Variants in OSGIN2 observed in about 807,000 individuals in gnomAD.
OSGIN2 encodes oxidative stress induced growth inhibitor family member 2, also known as oxidative stress-induced growth inhibitor 2.
Under a neutral mutation model 53.8 loss-of-function variants are expected in OSGIN2, and 19 were observed. The ratio of observed to expected loss-of-function variants is 0.35; its 90% CI spans 0.25 to 0.52. The LOEUF (loss-of-function observed/expected upper bound fraction) is 0.52. Ranked by LOEUF, OSGIN2 falls within the 20% of genes least tolerant of loss-of-function variation. The pLI, the probability that OSGIN2 is intolerant of heterozygous loss-of-function variation, is 0.95. For missense variants in OSGIN2, 520 were observed against 662.7 expected, an observed-to-expected ratio of 0.78 and a Z score of 2.36; for synonymous variants, 236 against 236.0, an observed-to-expected ratio of 1.00 and a Z score of 0.00.
chr8:89,905,632 A>C (rs1222018950), intron 1 of OSGIN2, among the ~76,000 whole-genome samples: 1 of 152,230 alleles, frequency 6.6e-6, no homozygotes, highest in Non-Finnish European at 1.5e-5. Context: ...GTGTTAAACC[A>C]CTATCAAATA....
Position 89,925,294 on chromosome 8 carries a change from G to A in OSGIN2, c.1412G>A (p.Cys471Tyr). 1.2e-6 allele frequency: 2 copies of A among 1,614,112 alleles called. No individual in the cohort carries two copies. The highest frequency in any genetic ancestry group is 8.5e-7 in the Non-Finnish European group (1 of 1,179,968). The change falls in exon 6 of 6, where the codon TGT becomes TAT. Residue 471 changes from cysteine (C) to tyrosine (Y), a missense_variant. Physicochemically the swap from Cys to Tyr is radical, Grantham distance 194. Around this residue, in one of 3 missense-constraint regions of OSGIN2, gnomAD observed 239 missense variants for 328.3 expected, o/e 0.73. Transcript: ENST00000451899. ...PNLSFLKDQG[C>Y]YLGHKSSQPI... is the part of the protein sequence containing the mutation. Reference sequence around the variant, plus strand: ...CTGTCTTTTCTGAAGGATCAAGGGTGTTACCTAGGCCATAAGTCAAGCCAG... The same window carrying A: ...CTGTCTTTTCTGAAGGATCAAGGGTATTACCTAGGCCATAAGTCAAGCCAG...
At chr8:89,902,294 C>A (rs1228588550), upstream of OSGIN2, among the ~76,000 whole-genome samples, 5 of 152,192 alleles carry the variant, frequency 3.3e-5, no homozygotes, top group Non-Finnish European at 5.9e-5. Context: ...ACCGGCCTCA[C>A]CAAGTCGCAC....
chr8:89,924,166 A>G (rs944436229), intron 5 of OSGIN2, among the ~76,000 whole-genome samples: 4 of 152,162 alleles, frequency 2.6e-5, no homozygotes, highest in African/African-American at 9.6e-5. Flanking sequence ...TGTGAGATAA[A>G]GTAGTCCAAT....
intron 5 of OSGIN2, 118 bp downstream of exon 5, chr8:89,921,289 T>C (rs961225712): frequency 9.7e-6 from 6 of 616,334 alleles, no homozygotes; most frequent in African/African-American, 7.4e-5. Flanking sequence ...GTCTTTCAAA[T>C]AAAAATGTGT....
rs1281405146 is a variant in OSGIN2, at chr8:89,927,333, T to G, written c.*1801T>G. 6.6e-6 allele frequency: 1 copy of G among 151,916 alleles called. No homozygotes were observed. The highest frequency in any genetic ancestry group is 2.4e-5 in the African/African-American group (1 of 41,380). The allele number at this position is 151,916 out of a possible 1,614,324, so 9.4% of individuals were successfully genotyped here. A position where few individuals can be genotyped will look rare whatever the true frequency, so the allele number is the denominator to read the frequency against. On this transcript the variant is annotated 3_prime_UTR_variant, in exon 6 of 6. Coordinates refer to ENST00000451899, the MANE Select transcript of OSGIN2 (RefSeq NM_001126111.3). ...GACTTCAAGAAAAATAAAAGTTCAG[T>G]GGAGCTGCAAATAAATCTGGTGAAT...
Position 89,909,654 on chromosome 8 carries a change from G to A in OSGIN2, c.132G>A (p.Ala44=), listed in dbSNP as rs770132443. The change falls in exon 2 of 6, where the codon GCG becomes GCA. Residue 44 remains alanine (A), a synonymous_variant. Transcript: ENST00000451899. ...FGDNLGRKVK[A]MPLVEETSLL... ...ACAACTTGGGGCGAAAAGTTAAAGC[G>A]ATGCCATTAGTTGAAGAAACTTCTT... The A allele has an allele frequency of 2.0e-5, 33 of 1,610,658 alleles. No individual in the cohort carries two copies. Among genetic ancestry groups the A allele is most frequent in the Admixed American group, 5.0e-5 (3 of 59,924 alleles).
At chr8:89,913,969 A>G (rs1809023217) in intron 2 of OSGIN2, 108 bp from the exon 3 acceptor site, 1 of 879,532 alleles carries the variant, frequency 1.1e-6, no homozygotes, top group African/African-American at 1.7e-5. Context: ...AGATTAGAAA[A>G]GGAAGAACTG....
In OSGIN2 at chr8:89,926,611, A is replaced by G. The variant is rs79618434; in HGVS notation, c.*1079A>G. ...TCGAGATGACATAGCAGCTCATATC[A>G]TGGTTGTTTATTGGATTTATCTGTT... On this transcript the variant is annotated 3_prime_UTR_variant, in exon 6 of 6. Transcript: ENST00000451899. The G allele has an allele frequency of 5.7e-3, 870 of 152,522 alleles. 7 individuals carry two copies. Among genetic ancestry groups the G allele is most frequent in the African/African-American group, 0.02 (821 of 41,558 alleles). The allele number at this position is 152,522 out of a possible 1,614,324, so 9.4% of individuals were successfully genotyped here. A position where few individuals can be genotyped will look rare whatever the true frequency, so the allele number is the denominator to read the frequency against.
At chr8:89,908,661 A>T (rs1415930011) in intron 1 of OSGIN2, among the ~76,000 whole-genome samples, 1 of 152,192 alleles carries the variant, frequency 6.6e-6, no homozygotes, top group African/African-American at 2.4e-5. Flanking sequence ...TTCTAAAGTA[A>T]TCTGTTGTAT....
At chr8:89,921,219 G>T (rs1809194235) in intron 5 of OSGIN2, 48 bp downstream of exon 5, 1 of 1,100,656 alleles carries the variant, frequency 9.1e-7, no homozygotes. Context: ...TTGAAAAAGA[G>T]AATGTGGAAA....
chr8:89,919,666 G>A (rs1328301397), intron 4 of OSGIN2, among the ~76,000 whole-genome samples: 3 of 152,140 alleles, frequency 2.0e-5, no homozygotes, highest in Admixed American at 6.5e-5. Context: ...TTGGAACAAC[G>A]CAGGCCTGCT....
Position 89,921,142 on chromosome 8 carries a change from A to G in OSGIN2, c.591A>G (p.Lys197=), listed in dbSNP as rs763202892. 6.2e-7 allele frequency: 1 copy of G among 1,602,862 alleles called. No homozygotes were observed. Among genetic ancestry groups the G allele is most frequent in the South Asian group, 1.1e-5 (1 of 89,908 alleles). The stretch of plus-strand genomic sequence containing the variant: ...GTTGGATGGAACTACCTGGACTTAA[A>G]TTTAAGGACTGGGTATCAAGTAAAC... The part of the protein sequence containing the change: ...FGSWMELPGL[K]FKDWVSSKRR... The change falls in exon 5 of 6, where the codon AAA becomes AAG. Residue 197 remains lysine, a synonymous_variant. Coordinates refer to ENST00000451899, the MANE Select transcript of OSGIN2 (RefSeq NM_001126111.3).
chr8:89,907,507 T>C (rs150217226), intron 1 of OSGIN2, among the ~76,000 whole-genome samples: 101 of 152,326 alleles, frequency 6.6e-4, no homozygotes, highest in Non-Finnish European at 1.2e-3. Flanking sequence ...CAGCACTATT[T>C]ATTGAATAGG....
intron 3 of OSGIN2, 124 bp downstream of exon 3, chr8:89,914,337 T>G: frequency 2.8e-6 from 2 of 719,782 alleles, no homozygotes. Flanking sequence ...CATTTTTATT[T>G]TAGATTCGTA....
chr8:89,915,004 C>T lies in OSGIN2; in HGVS notation c.528+258C>T, dbSNP rs191144534. On this transcript the variant is annotated intron_variant, in intron 4 of 5. Transcript: ENST00000451899. ...TACAAGAATTATGTAGAAAACATTT[C>T]AAGAATGTTTTGTATAATAAAAATT... Among the ~76,000 whole-genome samples, 511 of 152,232 alleles carry T rather than the reference C, an allele frequency of 3.4e-3. 4 individuals carry two copies. The highest frequency in any genetic ancestry group is 0.011 in the African/African-American group (471 of 41,556).
At chr8:89,907,158 A>G (rs1363033200) in intron 1 of OSGIN2, among the ~76,000 whole-genome samples, 1 of 152,138 alleles carries the variant, frequency 6.6e-6, no homozygotes, top group Non-Finnish European at 1.5e-5. Context: ...GCTGGATATT[A>G]GACCTTTGTT....
intron 1 of OSGIN2, among the ~76,000 whole-genome samples, chr8:89,906,050 A>G (rs982740396): frequency 6.6e-6 from 1 of 152,234 alleles, no homozygotes; most frequent in Non-Finnish European, 1.5e-5. Context: ...ATGGAAAGGA[A>G]TTCTATATTC....
intron 2 of OSGIN2, among the ~76,000 whole-genome samples, chr8:89,913,755 A>T (rs1474991960): frequency 6.6e-6 from 1 of 152,206 alleles, no homozygotes; most frequent in East Asian, 1.9e-4. Context: ...ACATTACATT[A>T]AAGTTATTAG....
chr8:89,915,277 TC>T (rs1342266546), intron 4 of OSGIN2, among the ~76,000 whole-genome samples: 1 of 152,178 alleles, frequency 6.6e-6, no homozygotes, highest in African/African-American at 2.4e-5. Flanking sequence ...AAGGCCCTCT[TC>T]CTAGCTTTCA....
Sources: gnomAD v4.1 joint callset for allele counts (sites outside exome capture counted in the v4.1 genomes callset) on GRCh38, gnomAD v4.1.1 for gene constraint, gnomAD v4.1.1 regional missense constraint, MANE v1.5 for transcripts, NCBI Gene and HGNC (gene_info 2026-07-23, HGNC 2026-07-21) for gene names.